GPR84: variants seen among roughly 807,000 people sequenced by gnomAD.
GPR84 encodes the protein G protein-coupled receptor 84, also known as G-protein coupled receptor 84.
Under a neutral mutation model 14.9 loss-of-function variants are expected in GPR84, and 8 were observed. That is an observed-to-expected ratio of 0.54 (90% confidence interval 0.31 to 0.97). The LOEUF (loss-of-function observed/expected upper bound fraction) is 0.97. Among genes scored for constraint, GPR84 ranks in the 50% least tolerant of loss-of-function variants. The pLI, the probability that GPR84 is intolerant of heterozygous loss-of-function variation, is 0.04. For synonymous variants in GPR84, 164 were observed against 198.1 expected, an observed-to-expected ratio of 0.83 and a Z score of 1.45; for missense variants, 424 against 498.7, an observed-to-expected ratio of 0.85 and a Z score of 1.43.
chr12:54,360,023 G>A (rs1397975036), downstream of GPR84, among the ~76,000 whole-genome samples: 2 of 151,574 alleles, frequency 1.3e-5, no homozygotes, highest in East Asian at 3.9e-4. Flanking sequence ...ACTTGACACC[G>A]TTGTGATTTG....
At position 54,364,449 on chromosome 12, in the gene GPR84, G is replaced by C. The variant is rs1954309118; in HGVS notation, c.-65C>G. On this transcript the variant is annotated 5_prime_UTR_variant, in exon 1 of 2. Transcript: ENST00000267015. ...ATGGAAGAAGTTCAACTCACCCAAA[G>C]AGCAGTCCTTTCTGGTGGACAGTTA... 1 of 152,258 alleles carries C rather than the reference G, an allele frequency of 6.6e-6. No individual in the cohort carries two copies. The highest frequency in any genetic ancestry group is 6.5e-5 in the Admixed American group (1 of 15,296). 9.4% of individuals were successfully genotyped at this position (152,258 alleles called of 1,614,324 possible).
chr12:54,354,385 G>A, the GPR84 span, among the ~76,000 whole-genome samples: 3 of 151,992 alleles, frequency 2.0e-5, no homozygotes, highest in South Asian at 2.1e-4. Flanking sequence ...CCAAAGTGGT[G>A]GGATTACAGG....
chr12:54,361,956 C>T (rs1228708849), downstream of GPR84, among the ~76,000 whole-genome samples: 2 of 152,236 alleles, frequency 1.3e-5, no homozygotes, highest in Non-Finnish European at 2.9e-5. This position sits in a 1 kb window ranked among gnomAD's most constrained non-coding sequence, Gnocchi z 4.3. Flanking sequence ...TCCATTTCTA[C>T]AGACCAAGGA....
Position 54,363,104 on chromosome 12 carries a change from G to T in GPR84, c.748C>A (p.Pro250Thr). 1 of 1,614,152 alleles carries T rather than the reference G, an allele frequency of 6.2e-7. No homozygotes were observed. Among genetic ancestry groups the T allele is most frequent in the Non-Finnish European group, 8.5e-7 (1 of 1,180,010 alleles). The change falls in exon 2 of 2, where the codon CCC becomes ACC. Residue 250 changes from proline (P) to threonine (T), a missense_variant. Coordinates refer to ENST00000267015, the MANE Select transcript of GPR84 (RefSeq NM_020370.3). ...ELDSRLASGG[P>T]SEGISSEPVS... is the part of the protein sequence containing the mutation. ...GGCTCAGATGAAATCCCCTCACTGG[G>T]TCCTCCTGATGCTAACCTGCTGTCC...
At position 54,363,325 on chromosome 12, in the gene GPR84, C is replaced by T. The variant is rs146853332; in HGVS notation, c.527G>A (p.Arg176Gln). 46 of 1,614,122 alleles carry T rather than the reference C, an allele frequency of 2.8e-5. No homozygotes were observed. In the East Asian group the frequency reaches 4.2e-4, roughly 15 times the overall value. The change falls in exon 2 of 2, where the codon CGG (arginine) becomes CAG (glutamine). Residue 176 changes from arginine (R) to glutamine (Q), a missense_variant. By Grantham distance (43) the Arg-to-Gln change is conservative. Transcript: ENST00000267015. ...GCCCATGAGGATGGTGGTGTAAGGCCGGCCTCGGATGCGGTCAAAGCTGCA... is the reference window on the plus strand; with the variant it reads ...GCCCATGAGGATGGTGGTGTAAGGCTGGCCTCGGATGCGGTCAAAGCTGCA... ...CTCSFDRIRG[R>Q]PYTTILMGIY...
At chr12:54,364,069 T>C (rs1954303511) in intron 1 of GPR84, 3 of 460,852 alleles carry the variant, frequency 6.5e-6, no homozygotes, top group Non-Finnish European at 1.2e-5. Context: ...TCTCAAATAT[T>C]TCCCCAAGTT....
chr12:54,356,142 A>T, the GPR84 span, among the ~76,000 whole-genome samples: 1 of 152,182 alleles, frequency 6.6e-6, no homozygotes, highest in Non-Finnish European at 1.5e-5. Flanking sequence ...CTGTCCTCTA[A>T]TATAGAGAGG....
the GPR84 span, among the ~76,000 whole-genome samples, chr12:54,357,301 G>C: frequency 6.6e-6 from 1 of 152,196 alleles, no homozygotes; most frequent in African/African-American, 2.4e-5. Context: ...GCCTTGCTAA[G>C]GCCATAGCGG....
chr12:54,358,887 C>G (rs1191090848), downstream of GPR84, among the ~76,000 whole-genome samples: 1 of 152,116 alleles, frequency 6.6e-6, no homozygotes, highest in African/African-American at 2.4e-5. Flanking sequence ...GGAATCCTCT[C>G]TCCCTGTTCA....
chr12:54,352,586 T>G, the GPR84 span, among the ~76,000 whole-genome samples: 2 of 152,124 alleles, frequency 1.3e-5, no homozygotes, highest in Non-Finnish European at 2.9e-5. Flanking sequence ...CTGCCGCTCA[T>G]AAAATGGACC....
chr12:54,359,109 A>G (rs746372980), downstream of GPR84, among the ~76,000 whole-genome samples: 1 of 151,444 alleles, frequency 6.6e-6, no homozygotes, highest in Non-Finnish European at 1.5e-5. Flanking sequence ...AGGGGAAAAA[A>G]GCGGGGGAGA....
At chr12:54,361,637 C>T (rs1273306497), downstream of GPR84, among the ~76,000 whole-genome samples, 1 of 152,178 alleles carries the variant, frequency 6.6e-6, no homozygotes, top group Non-Finnish European at 1.5e-5. The surrounding 1 kb of genome is among the most constrained non-coding windows in gnomAD (Gnocchi z 4.3). Context: ...TCCCACAGTG[C>T]TGGGATTACA....
rs1415644132 is a variant in GPR84 at position 54,363,635 on chromosome 12, G to A, written c.217C>T (p.Leu73Phe). ...TAGGTGTCCACAGAGAAGGGCTGAAGGAGCGTGCAGTAGAGGAGATCAGCC... is the reference window on the plus strand; with the variant it reads ...TAGGTGTCCACAGAGAAGGGCTGAAAGAGCGTGCAGTAGAGGAGATCAGCC... ...TLADLLYCTLLQPFSVDTYLH... is the reference protein window; with the variant it reads ...TLADLLYCTLFQPFSVDTYLH... Residue 73 changes from leucine (L) to phenylalanine (F), a missense_variant, in exon 2 of 2, where the codon CTT becomes TTT. Transcript: ENST00000267015. 1.2e-6 allele frequency: 2 copies of A among 1,614,024 alleles called. No individual in the cohort carries two copies. The highest frequency in any genetic ancestry group is 1.7e-5 in the Admixed American group (1 of 60,008).
At chr12:54,361,533 G>A (rs1165193287), downstream of GPR84, among the ~76,000 whole-genome samples, 3 of 152,214 alleles carry the variant, frequency 2.0e-5, no homozygotes, top group East Asian at 5.8e-4. This position sits in a 1 kb window ranked among gnomAD's most constrained non-coding sequence, Gnocchi z 4.3. Flanking sequence ...ACCATGCCGG[G>A]CTAATTTTTC....
At chr12:54,361,432 G>A (rs980556016), downstream of GPR84, among the ~76,000 whole-genome samples, 3 of 152,154 alleles carry the variant, frequency 2.0e-5, no homozygotes, top group African/African-American at 7.2e-5. The surrounding 1 kb of genome is among the most constrained non-coding windows in gnomAD (Gnocchi z 4.3). Flanking sequence ...GTGCAATGGC[G>A]TGATCTCGGC....
Position 54,363,043 on chromosome 12 carries a change from TC to T in GPR84, c.808del (p.Asp270ThrfsTer48), listed in dbSNP as rs1954288263. 1 of 1,613,988 alleles carries T rather than the reference TC, an allele frequency of 6.2e-7. No homozygotes were observed. On this transcript the variant is annotated frameshift_variant, in exon 2 of 2. Coordinates refer to ENST00000267015, the MANE Select transcript of GPR84 (RefSeq NM_020370.3). LOFTEE classifies it high-confidence loss of function. ...GATCTGGTCTCCCACTTCTGATGAG[TC>T]CCCTTCCAGGGTCTGGGTGGTGGCA... ...SAATTQTLEG[D>X]SSEVGDQINS...
chr12:54,357,788 C>T (rs1029183572), downstream of GPR84, among the ~76,000 whole-genome samples: 6 of 152,194 alleles, frequency 3.9e-5, no homozygotes, highest in Non-Finnish European at 8.8e-5. Context: ...TCCTCAGCAA[C>T]TGAGCTTAAG....
chr12:54,363,069 A>G lies in GPR84; in HGVS notation c.783T>C (p.Ala261=), dbSNP rs747253311. 2 of 1,614,070 alleles carry G rather than the reference A, an allele frequency of 1.2e-6. No homozygotes were observed. The highest frequency in any genetic ancestry group is 3.3e-5 in the Admixed American group (2 of 60,004). ...CCCCTTCCAGGGTCTGGGTGGTGGC[A>G]GCACTGACTGGCTCAGATGAAATCC... ...SEGISSEPVS[A]ATTQTLEGDS... is the part of the protein sequence containing the mutation. Residue 261 remains alanine, a synonymous_variant, in exon 2 of 2, where the codon GCT becomes GCC. Coordinates refer to ENST00000267015, the MANE Select transcript of GPR84 (RefSeq NM_020370.3).
downstream of GPR84, among the ~76,000 whole-genome samples, chr12:54,359,462 C>T (rs373018484): frequency 0.046 from 488 of 10,574 alleles, 5 homozygotes; most frequent in African/African-American, 0.12. Context: ...GAGAGACGAG[C>T]TTAGGAGAAA....
Sources: allele counts gnomAD v4.1 joint callset (sites outside exome capture counted in the v4.1 genomes callset), GRCh38; gene constraint gnomAD v4.1.1; non-coding constraint Gnocchi (gnomAD v3.1); transcripts MANE v1.5; gene names NCBI Gene and HGNC (gene_info 2026-07-23, HGNC 2026-07-21).